The following MYO1D variants were observed in gnomAD, a reference collection of about 807,000 sequenced individuals.
MYO1D encodes unconventional myosin-Id.
MYO1D carries 83 observed loss-of-function variants against 122.0 expected under a neutral mutation model. That is an observed-to-expected ratio of 0.68 (90% confidence interval 0.57 to 0.82). The LOEUF (loss-of-function observed/expected upper bound fraction) is 0.82. MYO1D is among the 40% of genes least tolerant of loss of function. The pLI is 0.00. For synonymous variants in MYO1D, 464 were observed against 446.9 expected (o/e 1.04, Z -0.48); for missense variants, 1,157 against 1,269.5 (o/e 0.91, Z 1.35).
At chr17:32,646,950 A>T (rs2088303654) in intron 19 of MYO1D, among the ~76,000 whole-genome samples, 1 of 152,204 alleles carries the variant, frequency 6.6e-6, no homozygotes, top group African/African-American at 2.4e-5. Context: ...TCTTCCACTT[A>T]AATTCATATA....
At chr17:32,650,893 AT>A (rs1435105146) in intron 19 of MYO1D, among the ~76,000 whole-genome samples, 1 of 151,818 alleles carries the variant, frequency 6.6e-6, no homozygotes, top group African/African-American at 2.4e-5. Context: ...TGAATGATTA[AT>A]TTTTTTTCTC....
At chr17:32,854,164 T>G (rs1248028204) in intron 1 of MYO1D, among the ~76,000 whole-genome samples, 1 of 152,240 alleles carries the variant, frequency 6.6e-6, no homozygotes, top group Non-Finnish European at 1.5e-5. Flanking sequence ...TCCTTTTCAC[T>G]CCACGGAAAG....
At chr17:32,510,959 GAA>G (rs35310034) in intron 21 of MYO1D, 400 of 140,254 alleles carry the variant, frequency 2.9e-3, no homozygotes, top group Non-Finnish European at 3.6e-3. Context: ...TATGAGGGAA[GAA>G]AAAAAAAAAA....
At chr17:32,703,865 T>G (rs905934839) in intron 16 of MYO1D, among the ~76,000 whole-genome samples, 1 of 152,124 alleles carries the variant, frequency 6.6e-6, no homozygotes, top group Non-Finnish European at 1.5e-5. Flanking sequence ...ATGCAACAAA[T>G]AAGTGTCCTA....
rs1567906394 is a variant in MYO1D, at chr17:32,605,184, C to T, written c.2767G>A (p.Asp923Asn). The change falls in exon 21 of 22, where the codon GAC (aspartate) becomes AAC (asparagine). Residue 923 changes from aspartate (D) to asparagine (N), a missense_variant. Asp to Asn is a conservative substitution (Grantham distance 23). Transcript: ENST00000318217. ...AGGCAGACAATGAGGTCTTTGTTGT[C>T]TTTCGTATGGAACACTACAAGTTGG... ...KDQLVVFHTKDNKDLIVCLFS... is the reference protein window; with the variant it reads ...KDQLVVFHTKNNKDLIVCLFS... 6.2e-7 allele frequency: 1 copy of T among 1,609,476 alleles called. No individual in the cohort carries two copies. The highest frequency in any genetic ancestry group is 1.3e-5 in the African/African-American group (1 of 74,892).
intron 16 of MYO1D, among the ~76,000 whole-genome samples, chr17:32,698,653 A>C (rs879347019): frequency 1.2e-4 from 18 of 152,194 alleles, no homozygotes; most frequent in South Asian, 2.1e-4. Context: ...CTGGTTTACA[A>C]AATTATCGTA....
chr17:32,760,250 G>C (rs1013245854), intron 10 of MYO1D, 40 bp downstream of exon 10: 1 of 1,461,022 alleles, frequency 6.8e-7, no homozygotes, highest in Non-Finnish European at 9.5e-7. Flanking sequence ...TCAATAATAT[G>C]AGAAACACAT....
chr17:32,811,111 T>C (rs966575113), intron 1 of MYO1D, among the ~76,000 whole-genome samples: 2 of 152,156 alleles, frequency 1.3e-5, no homozygotes, highest in African/African-American at 4.8e-5. Context: ...GGAGACACCA[T>C]CAATAATGAA....
At chr17:32,855,135 T>G (rs1322978346) in intron 1 of MYO1D, among the ~76,000 whole-genome samples, 1 of 152,170 alleles carries the variant, frequency 6.6e-6, no homozygotes, top group African/African-American at 2.4e-5. Flanking sequence ...CTTTAATTGC[T>G]TGCTGATTTT....
At chr17:32,533,682 C>A (rs1216335395) in intron 21 of MYO1D, among the ~76,000 whole-genome samples, 1 of 152,166 alleles carries the variant, frequency 6.6e-6, no homozygotes, top group African/African-American at 2.4e-5. Flanking sequence ...CTTCCCAGCT[C>A]TCCAGGCTCC....
At chr17:32,803,155 CT>C (rs370975517) in intron 1 of MYO1D, among the ~76,000 whole-genome samples, 5 of 151,134 alleles carry the variant, frequency 3.3e-5, no homozygotes, top group Non-Finnish European at 7.4e-5. Context: ...ATTTTTCTTT[CT>C]TTTTTTTTGA....
chr17:32,870,101 T>C (rs1462510864), intron 1 of MYO1D, among the ~76,000 whole-genome samples: 1 of 152,128 alleles, frequency 6.6e-6, no homozygotes, highest in Non-Finnish European at 1.5e-5. Context: ...CTCGGAAATC[T>C]GTCACGGAGT....
chr17:32,564,300 C>T (rs1165655527), intron 21 of MYO1D, among the ~76,000 whole-genome samples: 1 of 152,218 alleles, frequency 6.6e-6, no homozygotes, highest in African/African-American at 2.4e-5. Context: ...TTTACCCTCC[C>T]TCTGAAGTTT....
intron 21 of MYO1D, among the ~76,000 whole-genome samples, chr17:32,576,262 A>G (rs1250726784): frequency 6.6e-6 from 1 of 152,190 alleles, no homozygotes; most frequent in Non-Finnish European, 1.5e-5. Context: ...TTTGTAAACT[A>G]CAAGGTTTTA....
At chr17:32,644,762 G>C (rs2088262402) in intron 19 of MYO1D, among the ~76,000 whole-genome samples, 2 of 152,040 alleles carry the variant, frequency 1.3e-5, no homozygotes, top group Non-Finnish European at 2.9e-5. Flanking sequence ...TTTTCTATTA[G>C]ATTGGTAGAT....
intron 10 of MYO1D, 194 bp downstream of exon 10, chr17:32,760,096 A>G (rs1393596430): frequency 1.4e-6 from 1 of 714,996 alleles, no homozygotes; most frequent in Non-Finnish European, 2.5e-6. Context: ...GGGCATCAAC[A>G]AGGCAGTCTA....
chr17:32,586,116 T>C (rs2087385286), intron 21 of MYO1D, among the ~76,000 whole-genome samples: 1 of 152,214 alleles, frequency 6.6e-6, no homozygotes, highest in South Asian at 2.1e-4. Context: ...GTCTGGGATT[T>C]GCAGAGGGTC....
chr17:32,653,667 G>T (rs1426076041), intron 19 of MYO1D, among the ~76,000 whole-genome samples, 176 bp downstream of exon 19: 1 of 150,294 alleles, frequency 6.7e-6, no homozygotes, highest in East Asian at 2.0e-4. Flanking sequence ...TAGCCTAACT[G>T]TAAAGTTGTA....
intron 16 of MYO1D, among the ~76,000 whole-genome samples, chr17:32,705,911 T>C (rs1356841624): frequency 6.6e-6 from 1 of 152,206 alleles, no homozygotes; most frequent in Middle Eastern, 3.2e-3. Flanking sequence ...CTCATCTCTC[T>C]CTTTGCCGGC....
Sources: allele counts gnomAD v4.1 joint callset (sites outside exome capture counted in the v4.1 genomes callset), GRCh38; gene constraint gnomAD v4.1.1; transcripts MANE v1.5; gene names NCBI Gene and HGNC (gene_info 2026-07-23, HGNC 2026-07-21).